VWA5B1: variants seen among roughly 807,000 people sequenced by gnomAD.
VWA5B1 encodes the protein von Willebrand factor A domain-containing protein 5B1.
A neutral mutation model predicts 118.2 loss-of-function variants in VWA5B1; 115 were observed. The ratio of observed to expected loss-of-function variants is 0.97; its 90% CI spans 0.84 to 1.14. The LOEUF is 1.14. VWA5B1 is among the 50% of genes most tolerant of loss of function. The probability of loss-of-function intolerance (pLI) is 0.00; values close to 1 mark genes in which losing one functional copy is unlikely to be tolerated. For missense variants in VWA5B1, 1,596 were observed against 1,603.8 expected, an observed-to-expected ratio of 1.00 and a Z score of 0.08; for synonymous variants, 682 against 658.4, an observed-to-expected ratio of 1.04 and a Z score of -0.55.
chr1:20,291,166 G>T (rs12405732), intron 1 of VWA5B1, 78 bp downstream of exon 1: 1 of 39,986 alleles, frequency 2.5e-5, no homozygotes, highest in Non-Finnish European at 4.5e-5. Context: ...GCATGCATGA[G>T]TGTGTGTGTG....
At chr1:20,328,857 G>T (rs1246434828) in intron 9 of VWA5B1, among the ~76,000 whole-genome samples, 2 of 152,086 alleles carry the variant, frequency 1.3e-5, no homozygotes, top group Non-Finnish European at 2.9e-5. Context: ...TGTCAGTCAG[G>T]ATAAAAGGAA....
At chr1:20,303,220 G>A (rs2088546766) in intron 1 of VWA5B1, 2 of 152,210 alleles carry the variant, frequency 1.3e-5, no homozygotes, top group African/African-American at 4.8e-5. Flanking sequence ...CAGGTAAGAG[G>A]GCAGGTGGCA....
chr1:20,353,796 G>A lies in VWA5B1; in HGVS notation c.3181G>A (p.Glu1061Lys), dbSNP rs41265047. 6.6e-3 allele frequency: 9,695 copies of A among 1,473,380 alleles called. 34 individuals are homozygous for A. Among genetic ancestry groups the A allele is most frequent in the Non-Finnish European group, 8.1e-3 (8,962 of 1,109,876 alleles). The allele number at this position is 1,473,380 out of a possible 1,614,324, so 91.3% of individuals were successfully genotyped here. A position where few individuals can be genotyped will look rare whatever the true frequency, so the allele number is the denominator to read the frequency against. ...GGCCTCCGGAGCCTTCCTGCTCAAC[G>A]AAGCCTTCTGTGAGGCCACGCACAT... is the stretch of plus-strand genomic sequence containing the variant. Reference protein sequence around the residue: ...QLASGAFLLNEAFCEATHIPM... With the variant: ...QLASGAFLLNKAFCEATHIPM... Residue 1061 changes from glutamate to lysine, a missense_variant, in exon 22 of 22, where the codon GAA (glutamate) becomes AAA (lysine). Coordinates refer to ENST00000289815, the MANE Select transcript of VWA5B1 (RefSeq NM_001039500.3).
At chr1:20,345,329 T>G in intron 16 of VWA5B1, 127 bp from the exon 17 acceptor site, 1 of 1,275,536 alleles carries the variant, frequency 7.8e-7, no homozygotes, top group South Asian at 1.5e-5. Context: ...AGCCCTTGAT[T>G]TTAAAGGCTT....
intron 13 of VWA5B1, 73 bp from the exon 14 acceptor site, chr1:20,337,573 G>C: frequency 6.9e-7 from 1 of 1,456,584 alleles, no homozygotes; most frequent in Non-Finnish European, 9.2e-7. Flanking sequence ...CTTCCAAACA[G>C]GAAAGGGGAT....
chr1:20,349,805 G>A (rs2090088389), intron 18 of VWA5B1, among the ~76,000 whole-genome samples: 1 of 145,498 alleles, frequency 6.9e-6, no homozygotes, highest in Non-Finnish European at 1.5e-5. Context: ...AATGGACTAA[G>A]CACTATCTGC....
Position 20,330,963 on chromosome 1 carries a change from G to A in VWA5B1, c.1552G>A (p.Gly518Arg), listed in dbSNP as rs1307098192. The stretch of plus-strand genomic sequence containing the variant: ...GGGCAGTGCTGAGCTCCTGATGGAG[G>A]GGGAGCGGCTGCAACCCAAGGTAGG... ...SEGSAELLME[G>R]ERLQPKMVKS... Residue 518 changes from glycine to arginine, a missense_variant, in exon 11 of 22, where the codon GGG becomes AGG. By Grantham distance (125) the Gly-to-Arg change is moderately radical (BLOSUM62 -2). Coordinates refer to ENST00000289815, the MANE Select transcript of VWA5B1 (RefSeq NM_001039500.3). 3.9e-6 allele frequency: 6 copies of A among 1,549,800 alleles called. No homozygotes were observed. The highest frequency in any genetic ancestry group is 5.2e-6 in the Non-Finnish European group (6 of 1,146,178).
chr1:20,332,291 C>CT (rs1175631485), intron 11 of VWA5B1, among the ~76,000 whole-genome samples: 1 of 151,892 alleles, frequency 6.6e-6, no homozygotes, highest in Non-Finnish European at 1.5e-5. Flanking sequence ...ACCAGCCTGG[C>CT]CAATTTGGTG....
intron 1 of VWA5B1, among the ~76,000 whole-genome samples, chr1:20,291,387 T>TCTCTCTCTCTCTCTA (rs57894456): frequency 4.4e-5 from 5 of 114,170 alleles, no homozygotes; most frequent in African/African-American, 1.7e-4. Context: ...CTCTCTCTCT[T>TCTCTCTCTCTCTCTA]TCTGTCTCCT....
intron 11 of VWA5B1, 78 bp downstream of exon 11, chr1:20,331,061 G>A (rs2089539751): frequency 7.9e-7 from 1 of 1,258,298 alleles, no homozygotes; most frequent in South Asian, 1.5e-5. Context: ...CAACTCAGTG[G>A]TGGAGCTGGG....
At chr1:20,349,164 G>A (rs767160492) in intron 18 of VWA5B1, 2 of 445,724 alleles carry the variant, frequency 4.5e-6, no homozygotes, top group East Asian at 7.2e-5. Context: ...CACAGTGTGA[G>A]GGGGTGGAAA....
chr1:20,343,179 C>G lies in VWA5B1; in HGVS notation c.2412C>G (p.Thr804=). ...GAGCCAGTCCCAGCAGGCCCGCCAC[C>G]CCGGCCCCGGTGCTGGGCAAGGCCC... is the stretch of plus-strand genomic sequence containing the variant. The part of the protein sequence containing the change: ...QERASPSRPA[T]PAPVLGKALV... The change falls in exon 16 of 22, where the codon ACC becomes ACG. Residue 804 remains threonine, a synonymous_variant. Transcript: ENST00000289815. The G allele has an allele frequency of 6.5e-7, 1 of 1,549,690 alleles. No individual in the cohort carries two copies. The highest frequency in any genetic ancestry group is 2.4e-5 in the East Asian group (1 of 40,894).
At chr1:20,320,148 G>C (rs1262392883) in intron 7 of VWA5B1, among the ~76,000 whole-genome samples, 1 of 152,240 alleles carries the variant, frequency 6.6e-6, no homozygotes, top group Non-Finnish European at 1.5e-5. Flanking sequence ...ATAGGTTTCA[G>C]AATGATGGCT....
Position 20,354,225 on chromosome 1 carries a change from G to C in VWA5B1, c.3610G>C (p.Glu1204Gln). 3.9e-6 allele frequency: 6 copies of C among 1,549,690 alleles called. No homozygotes were observed. Among genetic ancestry groups the C allele is most frequent in the South Asian group, 1.2e-5 (1 of 84,014 alleles). ...VLLRHWDENL[E>Q]FNMLCYNPNY... Reference sequence around the variant, plus strand: ...TCTGCGGCACTGGGATGAGAATCTCGAGTTCAATATGCTCTGCTATAACCC... The same window carrying C: ...TCTGCGGCACTGGGATGAGAATCTCCAGTTCAATATGCTCTGCTATAACCC... The change falls in exon 22 of 22, where the codon GAG becomes CAG. Residue 1204 changes from glutamate (E) to glutamine (Q), a missense_variant. By Grantham distance (29) the Glu-to-Gln change is conservative. Coordinates refer to ENST00000289815, the MANE Select transcript of VWA5B1 (RefSeq NM_001039500.3).
chr1:20,342,194 T>C (rs2089892597), intron 14 of VWA5B1, among the ~76,000 whole-genome samples: 1 of 150,574 alleles, frequency 6.6e-6, no homozygotes, highest in Non-Finnish European at 1.5e-5. Flanking sequence ...CTTTCCATGG[T>C]TTGGGATTAT....
chr1:20,314,726 C>T, intron 4 of VWA5B1, 134 bp downstream of exon 4: 1 of 1,429,620 alleles, frequency 7.0e-7, no homozygotes, highest in Non-Finnish European at 9.3e-7. Flanking sequence ...TTGCCACCCT[C>T]TGAGCCATTT....
At chr1:20,336,225 C>A in intron 12 of VWA5B1, 78 bp from the exon 13 acceptor site, 1 of 1,237,930 alleles carries the variant, frequency 8.1e-7, no homozygotes, top group Non-Finnish European at 1.0e-6. Context: ...CACCTCTGCT[C>A]ACACCCCTTG....
chr1:20,320,540 A>G (rs1168139429), intron 7 of VWA5B1, among the ~76,000 whole-genome samples: 2 of 152,236 alleles, frequency 1.3e-5, no homozygotes, highest in African/African-American at 4.8e-5. Context: ...CCTATGGGCC[A>G]GTGGGGCCCA....
At chr1:20,337,584 G>T (rs936423860) in intron 13 of VWA5B1, 62 bp from the exon 14 acceptor site, 10 of 1,477,220 alleles carry the variant, frequency 6.8e-6, no homozygotes, top group Non-Finnish European at 9.1e-6. Context: ...GAAAGGGGAT[G>T]CAAGCCCCAC....
Sources: gnomAD v4.1 joint callset for allele counts (sites outside exome capture counted in the v4.1 genomes callset) on GRCh38, gnomAD v4.1.1 for gene constraint, MANE v1.5 for transcripts, NCBI Gene and HGNC (gene_info 2026-07-23, HGNC 2026-07-21) for gene names.